Variants in CFTR observed in about 807,000 individuals in gnomAD.
The protein encoded by CFTR is CF transmembrane conductance regulator, also known as cystic fibrosis transmembrane conductance regulator.
A neutral mutation model predicts 171.6 loss-of-function variants in CFTR; 181 were observed. The observed-to-expected ratio is 1.05, with a 90% CI of 0.93 to 1.19. The LOEUF (loss-of-function observed/expected upper bound fraction) is 1.19, where lower values mean the gene tolerates loss of function less well. CFTR is among the 50% of genes most tolerant of loss of function. The pLI, the probability that CFTR is intolerant of heterozygous loss-of-function variation, is 0.00. For synonymous variants in CFTR, 583 were observed against 608.0 expected (o/e 0.96, Z 0.60); for missense variants, 1,968 against 1,734.7 (o/e 1.13, Z -2.39).
intron 14 of CFTR, among the ~76,000 whole-genome samples, chr7:117,594,604 C>T (rs1792091582): frequency 6.6e-6 from 1 of 152,134 alleles, no homozygotes; most frequent in Non-Finnish European, 1.5e-5. Context: ...TAGATGGTAT[C>T]ATTCATTTGA....
At chr7:117,634,312 G>T (rs1792794146) in intron 22 of CFTR, among the ~76,000 whole-genome samples, 2 of 152,012 alleles carry the variant, frequency 1.3e-5, no homozygotes, top group African/African-American at 4.8e-5. Flanking sequence ...AATGTGCAAG[G>T]GATCTGTAGT....
In CFTR at chr7:117,645,678, G is replaced by A. The variant is rs535635545; in HGVS notation, c.3873+3085G>A. On this transcript the variant is annotated intron_variant, in intron 23 of 26. Coordinates refer to ENST00000003084, the MANE Select transcript of CFTR (RefSeq NM_000492.4). ...AACATTAACATTGTGTGAATTTGGGGTTTTTGACTAATCCCAACATTCCAC... is the reference window on the plus strand; with the variant it reads ...AACATTAACATTGTGTGAATTTGGGATTTTTGACTAATCCCAACATTCCAC... Among the ~76,000 whole-genome samples the A allele has an allele frequency of 2.6e-5, 4 of 152,080 alleles. No individual in the cohort carries two copies. The South Asian group carries it at 8.3e-4, about 32-fold the overall frequency.
intron 1 of CFTR, among the ~76,000 whole-genome samples, chr7:117,486,792 A>T (rs1798080453): frequency 6.7e-6 from 1 of 150,058 alleles, no homozygotes; most frequent in South Asian, 2.1e-4. Flanking sequence ...TTTAAACAGG[A>T]GAGGGACATA....
intron 1 of CFTR, among the ~76,000 whole-genome samples, chr7:117,485,942 A>G (rs1318868311): frequency 6.6e-6 from 1 of 152,156 alleles, no homozygotes; most frequent in Non-Finnish European, 1.5e-5. Context: ...GATCAACCCT[A>G]GAGACCTGTG....
rs397508510 is a variant in CFTR at position 117,611,601 on chromosome 7, C to G, written c.3160C>G (p.His1054Asp). ...CACAGGCAGGAGTCCAATTTTCACT[C>G]ATCTTGTTACAAGCTTAAAAGGACT... Reference protein sequence around the residue: ...ESEGRSPIFTHLVTSLKGLWT... With the variant: ...ESEGRSPIFTDLVTSLKGLWT... The change falls in exon 20 of 27, where the codon CAT becomes GAT. Residue 1054 changes from histidine to aspartate, a missense_variant. His to Asp is a moderately conservative substitution (Grantham distance 81). Transcript: ENST00000003084. 2 of 1,610,428 alleles carry G rather than the reference C, an allele frequency of 1.2e-6. No homozygotes were observed. The highest frequency in any genetic ancestry group is 1.7e-6 in the Non-Finnish European group (2 of 1,177,024).
At chr7:117,626,235 C>T (rs183608304) in intron 21 of CFTR, among the ~76,000 whole-genome samples, 171 of 152,124 alleles carry the variant, frequency 1.1e-3, no homozygotes, top group African/African-American at 3.9e-3. Context: ...GGAATTTTAA[C>T]GTTCAATTAA....
chr7:117,618,070 A>C (rs936668895), intron 21 of CFTR, among the ~76,000 whole-genome samples: 2 of 152,096 alleles, frequency 1.3e-5, no homozygotes, highest in African/African-American at 4.8e-5. Context: ...TGCTTCCATG[A>C]CACTACTCCC....
intron 23 of CFTR, among the ~76,000 whole-genome samples, chr7:117,644,281 T>C (rs926603349): frequency 2.6e-5 from 4 of 152,144 alleles, no homozygotes; most frequent in Admixed American, 2.6e-4. Flanking sequence ...TTGAACATTA[T>C]GTGAATGTCC....
At chr7:117,530,860 T>C (rs1798847349) in intron 3 of CFTR, 39 bp from the exon 4 acceptor site, 1 of 1,349,208 alleles carries the variant, frequency 7.4e-7, no homozygotes, top group Non-Finnish European at 1.1e-6. Flanking sequence ...TTATGAGAAA[T>C]AAATGAAATT....
chr7:117,638,751 A>G (rs2116156333), intron 22 of CFTR, among the ~76,000 whole-genome samples: 1 of 150,580 alleles, frequency 6.6e-6, no homozygotes, highest in East Asian at 1.9e-4. Context: ...ATAAATAAAT[A>G]AATAAATAAA....
intron 22 of CFTR, among the ~76,000 whole-genome samples, chr7:117,633,566 C>A (rs1226023688): frequency 6.6e-6 from 1 of 151,438 alleles, no homozygotes; most frequent in African/African-American, 2.4e-5. Flanking sequence ...ATATCTTGGT[C>A]TTGTTCTTGA....
rs975983947 is a variant in CFTR at position 117,666,978 on chromosome 7, G to A, written c.4313G>A (p.Arg1438Gln). 1.2e-5 allele frequency: 20 copies of A among 1,613,884 alleles called. No individual in the cohort carries two copies. Among genetic ancestry groups the A allele is most frequent in the Non-Finnish European group, 1.4e-5 (17 of 1,179,978 alleles). The change falls in exon 27 of 27, where the codon CGG becomes CAG. Residue 1438 changes from arginine to glutamine, a missense_variant. By Grantham distance (43) the Arg-to-Gln change is conservative (BLOSUM62 1). Transcript: ENST00000003084. ...CTGCTGAACGAGAGGAGCCTCTTCC[G>A]GCAAGCCATCAGCCCCTCCGACAGG... is the stretch of plus-strand genomic sequence containing the variant. ...QKLLNERSLF[R>Q]QAISPSDRVK...
rs561224688 is a variant in CFTR at position 117,532,202 on chromosome 7, C to T, written c.489+1088C>T. On this transcript the variant is annotated intron_variant, in intron 4 of 26. Transcript: ENST00000003084. ...GTTTTATTTCAATCTGAACATTTTACGTAAGTGAAGACTTTGTTAGATATC... is the reference window on the plus strand; with the variant it reads ...GTTTTATTTCAATCTGAACATTTTATGTAAGTGAAGACTTTGTTAGATATC... 1.8e-4 allele frequency among the ~76,000 whole-genome samples: 27 copies of T among 152,172 alleles called. No individual in the cohort carries two copies. In the East Asian group the frequency reaches 2.3e-3, roughly 13 times the overall value.
chr7:117,553,956 C>G (rs1799310973), intron 10 of CFTR, among the ~76,000 whole-genome samples: 1 of 152,026 alleles, frequency 6.6e-6, no homozygotes, highest in Non-Finnish European at 1.5e-5. Context: ...GTTTGAAGAA[C>G]AGTAAGGAGG....
chr7:117,576,712 G>A (rs539285833), intron 11 of CFTR, among the ~76,000 whole-genome samples: 4 of 152,172 alleles, frequency 2.6e-5, no homozygotes, highest in Admixed American at 1.3e-4. Context: ...GGCTAGGATC[G>A]GTAAGACTGG....
At chr7:117,515,250 C>A (rs553715705) in intron 3 of CFTR, among the ~76,000 whole-genome samples, 1 of 152,050 alleles carries the variant, frequency 6.6e-6, no homozygotes, top group Non-Finnish European at 1.5e-5. Context: ...AATGGTATTG[C>A]GTAGGTTTTC....
chr7:117,535,520 AT>A, intron 6 of CFTR, 109 bp downstream of exon 6: 1 of 773,598 alleles, frequency 1.3e-6, no homozygotes, highest in Non-Finnish European at 2.0e-6. Context: ...CTTCAGTGTC[AT>A]TAAATTTTTT....
intron 1 of CFTR, among the ~76,000 whole-genome samples, chr7:117,483,754 T>C (rs752025605): frequency 6.6e-6 from 1 of 151,854 alleles, no homozygotes; most frequent in Admixed American, 6.6e-5. Flanking sequence ...TTTTAAGTTA[T>C]ATAGAGACAG....
intron 1 of CFTR, among the ~76,000 whole-genome samples, chr7:117,501,776 C>CAAAAAAAAAAA (rs796991857): frequency 1.2e-5 from 1 of 84,334 alleles, no homozygotes; most frequent in Admixed American, 1.3e-4. Flanking sequence ...AAAAAAGAAA[C>CAAAAAAAAAAA]AAAAAAAAAA....
Sources: allele counts gnomAD v4.1 joint callset (sites outside exome capture counted in the v4.1 genomes callset), GRCh38; gene constraint gnomAD v4.1.1; transcripts MANE v1.5; gene names NCBI Gene and HGNC (gene_info 2026-07-23, HGNC 2026-07-21).